PHF21A: variants seen among roughly 807,000 people sequenced by gnomAD.
PHF21A encodes the protein BHC80a.
PHF21A carries 11 observed loss-of-function variants against 82.5 expected under a neutral mutation model. That is an observed-to-expected ratio of 0.13 (90% CI 0.08 to 0.22). PHF21A has a LOEUF of 0.22. Among genes scored for constraint, PHF21A ranks in the 10% least tolerant of loss-of-function variants. The pLI is 1.00. For missense variants in PHF21A, 579 were observed against 837.8 expected, an observed-to-expected ratio of 0.69 and a Z score of 3.81; for synonymous variants, 297 against 302.8, an observed-to-expected ratio of 0.98 and a Z score of 0.20.
intron 6 of PHF21A, among the ~76,000 whole-genome samples, chr11:46,072,870 G>GA (rs1393516624): frequency 1.3e-5 from 2 of 152,154 alleles, no homozygotes; most frequent in African/African-American, 4.8e-5. Flanking sequence ...ACAAACTTCG[G>GA]AATGTTAAGA....
At chr11:46,086,149 C>T (rs138646542) in intron 3 of PHF21A, among the ~76,000 whole-genome samples, 23 of 151,098 alleles carry the variant, frequency 1.5e-4, no homozygotes, top group Admixed American at 1.5e-3. Context: ...GAAAGAGTCT[C>T]GCTCTGTCGC....
chr11:46,014,329 G>A (rs2095471525), intron 6 of PHF21A, among the ~76,000 whole-genome samples: 1 of 152,190 alleles, frequency 6.6e-6, no homozygotes, highest in African/African-American at 2.4e-5. Flanking sequence ...CCATGTTGCT[G>A]CAAAGGATAT....
At chr11:46,087,137 G>A (rs1238849713) in intron 3 of PHF21A, among the ~76,000 whole-genome samples, 2 of 152,102 alleles carry the variant, frequency 1.3e-5, no homozygotes, top group Admixed American at 1.3e-4. Flanking sequence ...CTTCTTTTTG[G>A]GGTATTGATA....
chr11:46,049,475 T>C (rs1475840238), intron 6 of PHF21A: 1 of 456,080 alleles, frequency 2.2e-6, no homozygotes, highest in South Asian at 1.5e-5. Flanking sequence ...CAAATAGAAC[T>C]GGTAGAGGGA....
intron 7 of PHF21A, 97 bp from the exon 8 acceptor site, chr11:45,971,464 A>G: frequency 9.0e-7 from 1 of 1,114,154 alleles, no homozygotes; most frequent in South Asian, 1.6e-5. Context: ...TTGGAAGAAA[A>G]CAAAACAATA....
chr11:46,079,758 C>A (rs2096767901), intron 4 of PHF21A, among the ~76,000 whole-genome samples: 1 of 151,936 alleles, frequency 6.6e-6, no homozygotes. Context: ...TAACTCGATT[C>A]CTCTGGGAAA....
chr11:46,045,021 G>T (rs1275934674), intron 6 of PHF21A, among the ~76,000 whole-genome samples: 5 of 152,120 alleles, frequency 3.3e-5, no homozygotes. Context: ...TCCTATTTTT[G>T]ATTGTGGCCC....
chr11:45,956,762 A>G (rs1488390002), intron 10 of PHF21A, among the ~76,000 whole-genome samples: 2 of 152,178 alleles, frequency 1.3e-5, no homozygotes, highest in Non-Finnish European at 2.9e-5. Flanking sequence ...GAAATGAAGA[A>G]CAAAAAACGT....
In PHF21A at chr11:46,121,446, G is replaced by C. The variant is rs1292097967; in HGVS notation, c.-748C>G. On this transcript the variant is annotated 5_prime_UTR_variant, in exon 1 of 19. Coordinates refer to ENST00000676320, the MANE Select transcript of PHF21A (RefSeq NM_001352027.3). ...CCAGCCCATTCACCACCCGGCCCCG[G>C]GCCGCAGCACCTCCGCCGCCTCAGC... Among the ~76,000 whole-genome samples, 1 of 150,742 alleles carries C rather than the reference G, an allele frequency of 6.6e-6. No individual in the cohort carries two copies. The highest frequency in any genetic ancestry group is 1.5e-5 in the Non-Finnish European group (1 of 67,514).
At position 45,965,373 on chromosome 11, in the gene PHF21A, C is replaced by T. The variant is rs1432501918; in HGVS notation, c.938G>A (p.Gly313Glu). The change falls in exon 10 of 19, where the codon GGG (glycine) becomes GAG (glutamate). Residue 313 changes from glycine (G) to glutamate (E), a missense_variant. Physicochemically the swap from Gly to Glu is moderately conservative, Grantham distance 98 (BLOSUM62 -2). Around this residue, in one of 3 missense-constraint regions of PHF21A, gnomAD observed 410 missense variants for 642.1 expected, o/e 0.64. Coordinates refer to ENST00000676320, the MANE Select transcript of PHF21A (RefSeq NM_001352027.3). The part of the protein sequence containing the change: ...QLTSIVIATP[G>E]TRLAGPQTVQ... ...AGTTTGAGGTCCAGCGAGTCTGGTC[C>T]CTGGAGTAGCTATCACAATGCTGGT... 1 of 1,614,034 alleles carries T rather than the reference C, an allele frequency of 6.2e-7. No homozygotes were observed. Among genetic ancestry groups the T allele is most frequent in the South Asian group, 1.1e-5 (1 of 91,048 alleles).
intron 13 of PHF21A, 141 bp from the exon 14 acceptor site, chr11:45,949,087 G>C (rs1024604661): frequency 6.8e-6 from 5 of 739,502 alleles, no homozygotes; most frequent in East Asian, 2.5e-5. Flanking sequence ...CAATGCTCAA[G>C]GGTTTTATTG....
chr11:46,036,089 T>C (rs59345521), intron 6 of PHF21A, among the ~76,000 whole-genome samples: 2,242 of 152,270 alleles, frequency 0.015, 49 homozygotes, highest in African/African-American at 0.051. Context: ...GGAAAGAAGA[T>C]AGATTTAAAA....
chr11:46,099,560 A>ACACACC (rs369043301), intron 1 of PHF21A, among the ~76,000 whole-genome samples: 16 of 146,060 alleles, frequency 1.1e-4, no homozygotes, highest in African/African-American at 3.7e-4. Flanking sequence ...ACACACACAC[A>ACACACC]CACCCTAAAC....
intron 6 of PHF21A, among the ~76,000 whole-genome samples, chr11:45,980,223 C>A (rs1298521115): frequency 1.3e-5 from 2 of 152,192 alleles, no homozygotes; most frequent in African/African-American, 4.8e-5. Flanking sequence ...GGAGATCACA[C>A]AGCAGAGCTC....
At chr11:45,950,431 G>A (rs542628966) in intron 11 of PHF21A, among the ~76,000 whole-genome samples, 174 bp from the exon 12 acceptor site, 174 of 152,162 alleles carry the variant, frequency 1.1e-3, no homozygotes, top group Non-Finnish European at 1.9e-3. Flanking sequence ...GGGTGTCCAA[G>A]CTCTTGGCTT....
At chr11:46,047,725 G>A (rs1445198835) in intron 6 of PHF21A, among the ~76,000 whole-genome samples, 1 of 152,182 alleles carries the variant, frequency 6.6e-6, no homozygotes, top group African/African-American at 2.4e-5. Flanking sequence ...ACCATTTCTT[G>A]GTTGTGTAAG....
intron 6 of PHF21A, among the ~76,000 whole-genome samples, chr11:46,018,389 G>C (rs2095561073): frequency 6.6e-6 from 1 of 152,150 alleles, no homozygotes; most frequent in South Asian, 2.1e-4. Context: ...CCATTTTCAG[G>C]AGAATGTACA....
chr11:46,044,566 A>T (rs2096224284), intron 6 of PHF21A, among the ~76,000 whole-genome samples: 1 of 152,146 alleles, frequency 6.6e-6, no homozygotes, highest in Non-Finnish European at 1.5e-5. Context: ...CTTTCGGGCA[A>T]CCCAGATTAG....
In PHF21A at chr11:45,949,485, G is replaced by C. The variant is rs369606267; in HGVS notation, c.1148-4C>G. 5 of 1,613,470 alleles carry C rather than the reference G, an allele frequency of 3.1e-6. No individual in the cohort carries two copies. The highest frequency in any genetic ancestry group is 4.2e-6 in the Non-Finnish European group (5 of 1,179,486). Reference sequence around the variant, plus strand: ...TCTTGCCTCTTGCTTTGGATTTCTTGAGAGAAGAAAAGGTTTTCATTAGCA... The same window carrying C: ...TCTTGCCTCTTGCTTTGGATTTCTTCAGAGAAGAAAAGGTTTTCATTAGCA... On this transcript the variant is annotated splice_polypyrimidine_tract_variant and splice_region_variant and intron_variant, in intron 12 of 18. Coordinates refer to ENST00000676320, the MANE Select transcript of PHF21A (RefSeq NM_001352027.3).
Sources: allele counts gnomAD v4.1 joint callset (sites outside exome capture counted in the v4.1 genomes callset), GRCh38; gene constraint gnomAD v4.1.1; regional missense constraint gnomAD v4.1.1; transcripts MANE v1.5; gene names NCBI Gene and HGNC (gene_info 2026-07-23, HGNC 2026-07-21).